DNHD1: variants seen among roughly 807,000 people sequenced by gnomAD.
The protein encoded by DNHD1 is dynein heavy chain domain 1.
Under a neutral mutation model 458.1 loss-of-function variants are expected in DNHD1, and 383 were observed. The ratio of observed to expected loss-of-function variants is 0.84; its 90% CI spans 0.77 to 0.91. DNHD1 has a LOEUF of 0.91. Among genes scored for constraint, DNHD1 ranks in the 40% least tolerant of loss-of-function variants. DNHD1 has a pLI of 0.00. For synonymous variants in DNHD1, 2,203 were observed against 2,376.9 expected (o/e 0.93, Z 2.13); for missense variants, 5,336 against 5,866.1 (o/e 0.91, Z 2.95).
At chr11:6,527,907 ATAAC>A in intron 10 of DNHD1, among the ~76,000 whole-genome samples, 1 of 152,388 alleles carries the variant, frequency 6.6e-6, no homozygotes. Flanking sequence ...TCTAAGACAG[ATAAC>A]TGAGGACTGG....
In DNHD1 at chr11:6,563,794, A is replaced by C. The variant is rs1169078698; in HGVS notation, c.9954A>C (p.Ala3318=). 2 of 1,551,578 alleles carry C rather than the reference A, an allele frequency of 1.3e-6. No individual in the cohort carries two copies. The highest frequency in any genetic ancestry group is 2.0e-5 in the Admixed American group (1 of 50,992). Reference sequence around the variant, plus strand: ...GTATGGACGATGCAGCCCTGCGGGCAGTGAGCCGACCTGCAGCCAGCCTGG... The same window carrying C: ...GTATGGACGATGCAGCCCTGCGGGCCGTGAGCCGACCTGCAGCCAGCCTGG... The part of the protein sequence containing the change: ...APGMDDAALR[A]VSRPAASLAA... The change falls in exon 31 of 43, where the codon GCA becomes GCC. Residue 3318 remains alanine (A), a synonymous_variant. Transcript: ENST00000254579.
rs1391731064 is a variant in DNHD1 at position 6,519,941 on chromosome 11, CTTTCCTGACCCTTTTTT to C, written c.1648-21_1648-5del. The C allele has an allele frequency of 8.1e-6, 13 of 1,613,826 alleles. No homozygotes were observed. The highest frequency in any genetic ancestry group is 1.0e-5 in the Non-Finnish European group (12 of 1,179,912). ...GTATACTGACATCTAGCCCCTCGAC[CTTTCCTGACCCTTTTTT>C]TTACAGGCCCCAAGGCAGAAACCCT... On this transcript the variant is annotated splice_region_variant and splice_polypyrimidine_tract_variant and intron_variant, in intron 8 of 42. Coordinates refer to ENST00000254579, the MANE Select transcript of DNHD1 (RefSeq NM_144666.3).
At chr11:6,549,048 C>T in intron 24 of DNHD1, 115 bp downstream of exon 24, 1 of 1,178,640 alleles carries the variant, frequency 8.5e-7, no homozygotes, top group Non-Finnish European at 1.2e-6. Context: ...CTTTAGTGTT[C>T]TGTTCTTAAT....
intron 24 of DNHD1, among the ~76,000 whole-genome samples, chr11:6,555,936 C>T (rs1472917943): frequency 6.6e-6 from 1 of 151,974 alleles, no homozygotes; most frequent in Non-Finnish European, 1.5e-5. Context: ...AAAATGTATA[C>T]ATTTTGTTGT....
chr11:6,564,632 G>A lies in DNHD1; in HGVS notation c.10584G>A (p.Lys3528=). 6.4e-7 allele frequency: 1 copy of A among 1,551,696 alleles called. No homozygotes were observed. Among genetic ancestry groups the A allele is most frequent in the Non-Finnish European group, 8.7e-7 (1 of 1,146,992 alleles). The change falls in exon 32 of 43, where the codon AAG becomes AAA. Residue 3528 remains lysine (K), a synonymous_variant. Coordinates refer to ENST00000254579, the MANE Select transcript of DNHD1 (RefSeq NM_144666.3). The stretch of plus-strand genomic sequence containing the variant: ...AGTACCAGTGGGATGGAAACCTGAA[G>A]CCACAGGCAAAGTCGGCCCACCTGG... ...SEQYQWDGNL[K]PQAKSAHLAG...
At chr11:6,559,426 C>T (rs1281977736) in intron 28 of DNHD1, 143 bp downstream of exon 28, 1 of 712,198 alleles carries the variant, frequency 1.4e-6, no homozygotes, top group Admixed American at 2.9e-5. Context: ...ATCTCCGCTG[C>T]CTCCTCCTTT....
At position 6,511,272 on chromosome 11, in the gene DNHD1, G is replaced by A. The variant is rs200860631; in HGVS notation, c.1236-1G>A. ...CTGACCAGCTTAGTCCTTGATTCTA[G>A]GCTTCTGCAGGAGCTACACTCTGTG... On this transcript the variant is annotated splice_acceptor_variant, in intron 6 of 42. Coordinates refer to ENST00000254579, the MANE Select transcript of DNHD1 (RefSeq NM_144666.3). LOFTEE classifies it high-confidence loss of function. The A allele has an allele frequency of 6.8e-6, 11 of 1,614,060 alleles. 1 individual carries two copies. In the South Asian group the frequency reaches 1.2e-4, roughly 18 times the overall value.
Position 6,545,412 on chromosome 11 carries a change from C to T in DNHD1, c.4473C>T (p.Tyr1491=). 6.4e-7 allele frequency: 1 copy of T among 1,551,812 alleles called. No homozygotes were observed. The highest frequency in any genetic ancestry group is 1.4e-5 in the African/African-American group (1 of 73,176). Residue 1491 remains tyrosine, a synonymous_variant, in exon 21 of 43, where the codon TAC becomes TAT. Transcript: ENST00000254579. The surrounding 1 kb of genome is among the most constrained non-coding windows in gnomAD (Gnocchi z 4.9). The part of the protein sequence containing the change: ...LKQLPKQNKL[Y]LQLYVQHWID... ...AACTGCCCAAGCAAAACAAGTTGTA[C>T]CTGCAACTGTATGTCCAGCACTGGA...
At chr11:6,563,208 G>C in intron 29 of DNHD1, 77 bp downstream of exon 29, 1 of 1,546,502 alleles carries the variant, frequency 6.5e-7, no homozygotes, top group Non-Finnish European at 8.8e-7. Context: ...ACCAAGAGGA[G>C]AGGATGGAGT....
chr11:6,564,273 A>C (rs536025487), intron 31 of DNHD1, 60 bp from the exon 32 acceptor site: 1 of 1,476,692 alleles, frequency 6.8e-7, no homozygotes, highest in Non-Finnish European at 9.1e-7. Context: ...CCTCTGCCAT[A>C]TCTCTGCCTG....
At chr11:6,558,321 G>A (rs1853513611) in intron 25 of DNHD1, 24 bp downstream of exon 25, 21 of 1,545,450 alleles carry the variant, frequency 1.4e-5, no homozygotes, top group Non-Finnish European at 1.7e-5. Context: ...CCCCATATGC[G>A]AATCTGCTCT....
At position 6,505,845 on chromosome 11, in the gene DNHD1, G is replaced by A. The variant is rs1003140635; in HGVS notation, c.920+2919G>A. Among the ~76,000 whole-genome samples, 2 of 152,194 alleles carry A rather than the reference G, an allele frequency of 1.3e-5. No homozygotes were observed. The highest frequency in any genetic ancestry group is 2.9e-5 in the Non-Finnish European group (2 of 68,032). ...GTTGAATGTGATACTGACACCTAGTGGCTGCTACACTTGACTGTCATGGCT... is the reference window on the plus strand; with the variant it reads ...GTTGAATGTGATACTGACACCTAGTAGCTGCTACACTTGACTGTCATGGCT... On this transcript the variant is annotated intron_variant, in intron 4 of 42. Transcript: ENST00000254579. This position sits in a 1 kb window ranked among gnomAD's most constrained non-coding sequence, Gnocchi z 4.4.
At chr11:6,511,175 A>G in intron 6 of DNHD1, 98 bp from the exon 7 acceptor site, 1 of 1,462,734 alleles carries the variant, frequency 6.8e-7, no homozygotes, top group Non-Finnish European at 9.3e-7. Context: ...CTCTATAAAT[A>G]TTTGTGCAGT....
At chr11:6,515,210 T>C (rs957406278) in intron 7 of DNHD1, among the ~76,000 whole-genome samples, 7 of 152,244 alleles carry the variant, frequency 4.6e-5, no homozygotes, top group African/African-American at 1.7e-4. Context: ...TAGCAACTCC[T>C]GTATATGTCA....
At chr11:6,551,724 C>CGT (rs1000181846) in intron 24 of DNHD1, among the ~76,000 whole-genome samples, 7 of 152,064 alleles carry the variant, frequency 4.6e-5, no homozygotes, top group Non-Finnish European at 1.0e-4. Context: ...GGGCAGATCA[C>CGT]GAGGTCAGGA....
At chr11:6,541,769 G>T (rs1703810706) in intron 18 of DNHD1, among the ~76,000 whole-genome samples, 1 of 152,202 alleles carries the variant, frequency 6.6e-6, no homozygotes. Context: ...GTGGAGAATG[G>T]ATTGAAGGGA....
chr11:6,542,800 T>C (rs1853126001), intron 18 of DNHD1, among the ~76,000 whole-genome samples: 2 of 152,246 alleles, frequency 1.3e-5, no homozygotes, highest in African/African-American at 2.4e-5. Context: ...CAAGGATATA[T>C]ATGAAAATGA....
intron 7 of DNHD1, among the ~76,000 whole-genome samples, chr11:6,516,863 C>T (rs1852481136): frequency 6.6e-6 from 1 of 152,162 alleles, no homozygotes; most frequent in South Asian, 2.1e-4. Context: ...TCTCTTCCTC[C>T]CTCTATTCTT....
intron 28 of DNHD1, among the ~76,000 whole-genome samples, chr11:6,561,636 G>A (rs550767279): frequency 6.6e-5 from 10 of 152,300 alleles, no homozygotes; most frequent in Non-Finnish European, 1.3e-4. Context: ...AGAGTGCCCC[G>A]CTGTGCAGCA....
Sources: gnomAD v4.1 joint callset for allele counts (sites outside exome capture counted in the v4.1 genomes callset) on GRCh38, gnomAD v4.1.1 for gene constraint, Gnocchi (gnomAD v3.1) non-coding constraint, MANE v1.5 for transcripts, NCBI Gene and HGNC (gene_info 2026-07-23, HGNC 2026-07-21) for gene names.